Variants in RIMS2 observed in about 807,000 individuals in gnomAD.
RIMS2 encodes the protein regulating synaptic membrane exocytosis 2.
A neutral mutation model predicts 174.4 loss-of-function variants in RIMS2; 59 were observed. The observed-to-expected ratio is 0.34, with a 90% CI of 0.27 to 0.42. The LOEUF (loss-of-function observed/expected upper bound fraction) is 0.42, where lower values mean the gene tolerates loss of function less well. Among genes scored for constraint, RIMS2 ranks in the 10% least tolerant of loss-of-function variants. The pLI is 1.00. For synonymous variants in RIMS2, 606 were observed against 572.5 expected, an observed-to-expected ratio of 1.06 and a Z score of -0.84; for missense variants, 1,620 against 1,666.3, an observed-to-expected ratio of 0.97 and a Z score of 0.48.
intron 1 of RIMS2, among the ~76,000 whole-genome samples, chr8:103,610,012 G>C (rs1208337786): frequency 6.6e-6 from 1 of 151,936 alleles, no homozygotes; most frequent in Admixed American, 6.6e-5. Flanking sequence ...TTCTTTGAGT[G>C]GTGTTTTGTA....
intron 1 of RIMS2, among the ~76,000 whole-genome samples, chr8:103,692,002 A>C (rs1011060338): frequency 6.6e-6 from 1 of 152,172 alleles, no homozygotes; most frequent in Non-Finnish European, 1.5e-5. Flanking sequence ...CTGGATTGCT[A>C]GGCAGAGACT....
chr8:103,659,998 C>A (rs1456300922), intron 1 of RIMS2, among the ~76,000 whole-genome samples: 2 of 152,230 alleles, frequency 1.3e-5, no homozygotes, highest in African/African-American at 4.8e-5. Flanking sequence ...GGGCCCAGGC[C>A]GCACCTGAGA....
chr8:104,216,774 A>G (rs1177076448), intron 19 of RIMS2, among the ~76,000 whole-genome samples: 1 of 152,196 alleles, frequency 6.6e-6, no homozygotes, highest in Non-Finnish European at 1.5e-5. Context: ...GAGCTTCATG[A>G]AGGTAGAGGA....
intron 3 of RIMS2, chr8:103,880,290 T>C: frequency 5.7e-6 from 1 of 176,078 alleles, no homozygotes; most frequent in Non-Finnish European, 1.2e-5. Context: ...CAGAAATGCC[T>C]TGGATGCAGC....
chr8:103,541,211 A>G (rs1220074085), intron 1 of RIMS2, among the ~76,000 whole-genome samples: 2 of 152,230 alleles, frequency 1.3e-5, no homozygotes, highest in African/African-American at 4.8e-5. Context: ...TCAAACCATC[A>G]AAGACGCAGA....
chr8:104,216,933 T>C (rs1326267590), intron 19 of RIMS2, among the ~76,000 whole-genome samples: 4 of 152,254 alleles, frequency 2.6e-5, no homozygotes, highest in Non-Finnish European at 4.4e-5. Context: ...CTACCTTATA[T>C]AGTGTTTATG....
chr8:104,251,858 A>C (rs750522465), exon 24 of RIMS2: 1 of 1,031,980 alleles, frequency 9.7e-7, no homozygotes, highest in Non-Finnish European at 1.4e-6. Context: ...AACCAGCGTT[A>C]CAAAAAAAAA....
intron 4 of RIMS2, chr8:103,910,000 A>G: frequency 2.0e-6 from 1 of 496,382 alleles, no homozygotes; most frequent in Non-Finnish European, 3.6e-6. Flanking sequence ...CTATATATAT[A>G]TATATATAGT....
At chr8:103,957,572 A>G (rs988256288) in intron 14 of RIMS2, among the ~76,000 whole-genome samples, 5 of 152,140 alleles carry the variant, frequency 3.3e-5, no homozygotes, top group African/African-American at 1.2e-4. Flanking sequence ...ACACATAGAC[A>G]CAGGGAGGGG....
At chr8:104,127,727 G>A (rs2098443338) in intron 19 of RIMS2, among the ~76,000 whole-genome samples, 1 of 151,200 alleles carries the variant, frequency 6.6e-6, no homozygotes, top group South Asian at 2.1e-4. Flanking sequence ...AGTGATAAAT[G>A]GTTGCAAAAA....
intron 19 of RIMS2, among the ~76,000 whole-genome samples, chr8:104,129,232 A>C (rs949669086): frequency 3.9e-5 from 6 of 152,096 alleles, no homozygotes; most frequent in Non-Finnish European, 7.4e-5. Flanking sequence ...TTAAAAAAAA[A>C]AAAAGTAGCC....
intron 19 of RIMS2, among the ~76,000 whole-genome samples, chr8:104,017,949 C>G (rs2095971309): frequency 6.6e-6 from 1 of 151,856 alleles, no homozygotes; most frequent in Admixed American, 6.6e-5. Context: ...ATGGCCCACT[C>G]CCATAGTCCC....
intron 3 of RIMS2, among the ~76,000 whole-genome samples, chr8:103,873,886 G>A (rs1359014670): frequency 6.6e-6 from 1 of 151,974 alleles, no homozygotes; most frequent in East Asian, 1.9e-4. Context: ...AGATTTTGGG[G>A]TCTGTCTATG....
At chr8:103,600,431 C>T (rs562276133) in intron 1 of RIMS2, among the ~76,000 whole-genome samples, 5 of 151,982 alleles carry the variant, frequency 3.3e-5, no homozygotes, top group South Asian at 4.2e-4. Context: ...CACCATGCCT[C>T]GCTAATTTTT....
chr8:103,934,345 T>C (rs2080739621), intron 12 of RIMS2, among the ~76,000 whole-genome samples: 1 of 152,168 alleles, frequency 6.6e-6, no homozygotes, highest in Admixed American at 6.5e-5. Flanking sequence ...GATCTTAGTG[T>C]TTAAATATTT....
intron 1 of RIMS2, among the ~76,000 whole-genome samples, chr8:103,590,768 T>C (rs1412988805): frequency 6.6e-6 from 1 of 151,238 alleles, no homozygotes; most frequent in African/African-American, 2.4e-5. Flanking sequence ...TAAGGCATAT[T>C]TCACTGAGGA....
Position 104,084,689 on chromosome 8 carries a change from TA to T in RIMS2, c.3334+70075del, listed in dbSNP as rs1206180924. Among the ~76,000 whole-genome samples, 4 of 152,234 alleles carry T rather than the reference TA, an allele frequency of 2.6e-5. No individual in the cohort carries two copies. In the South Asian group the frequency reaches 8.3e-4, roughly 32 times the overall value. ...GAGCTCATGGCTTAATGATGGTGAA[TA>T]TTTAGTATCATAATGTACAGTTTCT... is the stretch of plus-strand genomic sequence containing the variant. On this transcript the variant is annotated intron_variant, in intron 19 of 23. Transcript: ENST00000504942.
intron 1 of RIMS2, among the ~76,000 whole-genome samples, chr8:103,561,592 T>C (rs1004818401): frequency 6.6e-6 from 1 of 152,216 alleles, no homozygotes; most frequent in African/African-American, 2.4e-5. Flanking sequence ...TCTTTTCTTA[T>C]ATCAGCAACA....
chr8:103,598,759 A>G (rs553899355), intron 1 of RIMS2, among the ~76,000 whole-genome samples: 3 of 152,330 alleles, frequency 2.0e-5, no homozygotes, highest in African/African-American at 7.2e-5. Flanking sequence ...TTTAAAGTAC[A>G]GAATTCTGAG....
Sources: allele counts gnomAD v4.1 joint callset (sites outside exome capture counted in the v4.1 genomes callset), GRCh38; gene constraint gnomAD v4.1.1; transcripts MANE v1.5; gene names NCBI Gene and HGNC (gene_info 2026-07-23, HGNC 2026-07-21).